ZRANB3: variants seen among roughly 807,000 people sequenced by gnomAD.
ZRANB3 encodes zinc finger RANBP2-type containing 3.
ZRANB3 carries 125 observed loss-of-function variants against 133.8 expected under a neutral mutation model. The ratio of observed to expected loss-of-function variants is 0.93; its 90% confidence interval spans 0.81 to 1.08. The LOEUF is 1.08. Among genes scored for constraint, ZRANB3 ranks in the 50% least tolerant of loss-of-function variants. The pLI is 0.00. For missense variants in ZRANB3, 1,229 were observed against 1,275.5 expected, an observed-to-expected ratio of 0.96 and a Z score of 0.56; for synonymous variants, 387 against 432.7, an observed-to-expected ratio of 0.89 and a Z score of 1.31.
intron 1 of ZRANB3, among the ~76,000 whole-genome samples, chr2:135,514,822 G>C (rs1333792837): frequency 2.6e-5 from 4 of 151,978 alleles, no homozygotes; most frequent in African/African-American, 9.7e-5. Flanking sequence ...TCAATACCTA[G>C]TTTATTGACA....
Position 135,341,088 on chromosome 2 carries a change from G to A in ZRANB3, c.677+4462C>T, listed in dbSNP as rs974641745. On this transcript the variant is annotated intron_variant, in intron 6 of 20. Transcript: ENST00000264159. ...GCTGCCCAGGCTGGAGTGCAGTGGC[G>A]CTATCTCGGCTCACTGAAAGCTCCA... Among the ~76,000 whole-genome samples, 8 of 149,616 alleles carry A rather than the reference G, an allele frequency of 5.3e-5. 1 individual carries two copies. The highest frequency in any genetic ancestry group is 1.8e-4 in the African/African-American group (7 of 39,038).
At chr2:135,229,569 G>A (rs1030146919) in intron 13 of ZRANB3, among the ~76,000 whole-genome samples, 8 of 151,664 alleles carry the variant, frequency 5.3e-5, no homozygotes, top group Admixed American at 1.3e-4. Context: ...GGGTTTCACC[G>A]TGTTAGCCAG....
intron 2 of ZRANB3, among the ~76,000 whole-genome samples, chr2:135,441,347 A>T (rs1045241400): frequency 2.0e-5 from 3 of 152,132 alleles, no homozygotes; most frequent in African/African-American, 7.2e-5. Flanking sequence ...GAAAGAAAAA[A>T]TACTGCCAAC....
At chr2:135,477,562 C>T (rs1028521584) in intron 2 of ZRANB3, among the ~76,000 whole-genome samples, 3 of 152,204 alleles carry the variant, frequency 2.0e-5, no homozygotes, top group African/African-American at 4.8e-5. Flanking sequence ...TATCTATTGC[C>T]GGTTTTTGGT....
Position 135,265,628 on chromosome 2 carries a change from C to A in ZRANB3, c.1445G>T (p.Gly482Val). The change falls in exon 12 of 21, where the codon GGT becomes GTT. Residue 482 changes from glycine to valine, a missense_variant. Physicochemically the swap from Gly to Val is moderately radical, Grantham distance 109. Coordinates refer to ENST00000264159, the MANE Select transcript of ZRANB3 (RefSeq NM_032143.4). ...GRKEKIQAEE[G>V]DKEKWDFLQF... is the part of the protein sequence containing the mutation. ...CAGGAAATCCCATTTTTCCTTATCA[C>A]CTTCCTCAGCCTGAATTTTTTCTTT... is the stretch of plus-strand genomic sequence containing the variant. The A allele has an allele frequency of 6.2e-7, 1 of 1,613,668 alleles. No individual in the cohort carries two copies.
intron 1 of ZRANB3, among the ~76,000 whole-genome samples, chr2:135,514,128 T>C (rs1179312698): frequency 6.6e-6 from 1 of 152,228 alleles, no homozygotes; most frequent in African/African-American, 2.4e-5. Flanking sequence ...ATACGGGCTC[T>C]TTTTTGGTTC....
chr2:135,507,354 G>A (rs13419633), intron 1 of ZRANB3, among the ~76,000 whole-genome samples: 1 of 152,148 alleles, frequency 6.6e-6, no homozygotes, highest in Non-Finnish European at 1.5e-5. Flanking sequence ...GAGAGATAGA[G>A]AATGGATACA....
At chr2:135,218,369 T>C (rs1694397904) in intron 16 of ZRANB3, among the ~76,000 whole-genome samples, 1 of 152,138 alleles carries the variant, frequency 6.6e-6, no homozygotes, top group Admixed American at 6.6e-5. Flanking sequence ...TTTAGTAGGG[T>C]TACCAGTCAA....
Position 135,219,095 on chromosome 2 carries a change from C to G in ZRANB3, c.2334G>C (p.Leu778=). ...TTCTTACCAGTGAGCGATATTGTTT[C>G]AGCTGAAAGCTTGCTGGTAAATCTT... ...LWEDLPASFQ[L]KQYRSLILRF... The change falls in exon 16 of 21, where the codon CTG becomes CTC. Residue 778 remains leucine, a synonymous_variant. Coordinates refer to ENST00000264159, the MANE Select transcript of ZRANB3 (RefSeq NM_032143.4). 1 of 1,518,428 alleles carries G rather than the reference C, an allele frequency of 6.6e-7. No homozygotes were observed. The highest frequency in any genetic ancestry group is 8.8e-7 in the Non-Finnish European group (1 of 1,138,454). 94.1% of individuals were successfully genotyped at this position (1,518,428 alleles called of 1,614,324 possible). A position where few individuals can be genotyped will look rare whatever the true frequency, so the allele number is the denominator to read the frequency against.
intron 8 of ZRANB3, among the ~76,000 whole-genome samples, chr2:135,292,557 C>T (rs1277182685): frequency 2.6e-5 from 4 of 152,334 alleles, no homozygotes; most frequent in Admixed American, 6.5e-5. Flanking sequence ...CCTGTTCACT[C>T]TGATGGTAGT....
At chr2:135,252,029 G>A (rs1305522365) in intron 12 of ZRANB3, among the ~76,000 whole-genome samples, 7 of 152,182 alleles carry the variant, frequency 4.6e-5, no homozygotes, top group South Asian at 2.1e-4. Flanking sequence ...GCAGGATTCC[G>A]TCTCAAAAAA....
At chr2:135,392,931 G>A (rs1017470068) in intron 2 of ZRANB3, among the ~76,000 whole-genome samples, 1 of 151,560 alleles carries the variant, frequency 6.6e-6, no homozygotes, top group African/African-American at 2.4e-5. Context: ...CAGGCTAGAG[G>A]GCAGTGGCAC....
intron 2 of ZRANB3, among the ~76,000 whole-genome samples, chr2:135,420,176 G>C (rs889865483): frequency 4.1e-5 from 6 of 146,406 alleles, no homozygotes; most frequent in Admixed American, 3.5e-4. Flanking sequence ...GTAACTTTCT[G>C]CCTCCAGAGT....
intron 3 of ZRANB3, among the ~76,000 whole-genome samples, chr2:135,358,489 A>T (rs2104883449): frequency 6.6e-6 from 1 of 152,308 alleles, no homozygotes; most frequent in East Asian, 1.9e-4. Flanking sequence ...CTAATAATGT[A>T]TTATTTTTGT....
At chr2:135,267,077 T>A (rs1403094635) in intron 11 of ZRANB3, among the ~76,000 whole-genome samples, 1 of 152,238 alleles carries the variant, frequency 6.6e-6, no homozygotes, top group African/African-American at 2.4e-5. Flanking sequence ...TCATTCATAT[T>A]TGGCTCAGAA....
At chr2:135,483,414 TGTA>T (rs1237891584) in intron 2 of ZRANB3, among the ~76,000 whole-genome samples, 1 of 152,188 alleles carries the variant, frequency 6.6e-6, no homozygotes, top group East Asian at 1.9e-4. Context: ...TAGAGGTGTT[TGTA>T]GTATTCTCTG....
chr2:135,224,614 A>C (rs1694687052), intron 14 of ZRANB3, 97 bp from the exon 15 acceptor site: 1 of 676,480 alleles, frequency 1.5e-6, no homozygotes, highest in South Asian at 3.1e-5. Flanking sequence ...TGAAATAGCT[A>C]TATCAAAATA....
At chr2:135,233,181 G>T (rs957102420) in intron 12 of ZRANB3, among the ~76,000 whole-genome samples, 2 of 152,204 alleles carry the variant, frequency 1.3e-5, no homozygotes, top group African/African-American at 2.4e-5. Context: ...TCAACTGGAA[G>T]AAAGACTATC....
intron 2 of ZRANB3, among the ~76,000 whole-genome samples, chr2:135,412,310 C>G (rs993063843): frequency 3.3e-5 from 5 of 152,136 alleles, no homozygotes; most frequent in Admixed American, 2.0e-4. Context: ...CTGAGAGGCA[C>G]TCAGTTTGTA....
Sources: gnomAD v4.1 joint callset for allele counts (sites outside exome capture counted in the v4.1 genomes callset) on GRCh38, gnomAD v4.1.1 for gene constraint, MANE v1.5 for transcripts, NCBI Gene and HGNC (gene_info 2026-07-23, HGNC 2026-07-21) for gene names.